The following ST6GALNAC1 variants were observed in gnomAD, a reference collection of about 807,000 sequenced individuals.
The protein encoded by ST6GALNAC1 is alpha-N-acetylgalactosaminide alpha-2,6-sialyltransferase 1.
Under a neutral mutation model 56.8 loss-of-function variants are expected in ST6GALNAC1, and 45 were observed. The observed-to-expected ratio is 0.79, with a 90% confidence interval of 0.62 to 1.02. ST6GALNAC1 has a LOEUF of 1.02. Among genes scored for constraint, ST6GALNAC1 ranks in the 50% least tolerant of loss-of-function variants. The pLI, the probability that ST6GALNAC1 is intolerant of heterozygous loss-of-function variation, is 0.00. For missense variants in ST6GALNAC1, 743 were observed against 754.8 expected, an observed-to-expected ratio of 0.98 and a Z score of 0.18; for synonymous variants, 295 against 297.8, an observed-to-expected ratio of 0.99 and a Z score of 0.10.
downstream of ST6GALNAC1, among the ~76,000 whole-genome samples, chr17:76,624,398 C>T (rs990863527): frequency 5.3e-5 from 8 of 151,992 alleles, no homozygotes; most frequent in Admixed American, 1.3e-4. Flanking sequence ...TACAGGCGCC[C>T]GCCACCACGC....
chr17:76,620,045 T>TATTGTTAGG (rs2075725553), downstream of ST6GALNAC1, among the ~76,000 whole-genome samples: 1 of 150,844 alleles, frequency 6.6e-6, no homozygotes, highest in Non-Finnish European at 1.5e-5. Context: ...TGCCCGGCCT[T>TATTGTTAGG]TTTAAAAATT....
At chr17:76,637,993 C>T (rs2075999927) in intron 1 of ST6GALNAC1, among the ~76,000 whole-genome samples, 1 of 151,764 alleles carries the variant, frequency 6.6e-6, no homozygotes, top group Non-Finnish European at 1.5e-5. Flanking sequence ...CCGTGCCCGG[C>T]TAATTTTCAT....
At chr17:76,618,890 G>A in the ST6GALNAC1 span, among the ~76,000 whole-genome samples, 2,249 of 152,266 alleles carry the variant, frequency 0.015, 63 homozygotes, top group African/African-American at 0.052. Context: ...GTTGCAGTGC[G>A]CTGAGATCAC....
chr17:76,629,289 T>C lies in ST6GALNAC1; in HGVS notation c.554A>G (p.Gln185Arg). 1 of 1,612,422 alleles carries C rather than the reference T, an allele frequency of 6.2e-7. No individual in the cohort carries two copies. Among genetic ancestry groups the C allele is most frequent in the Non-Finnish European group, 8.5e-7 (1 of 1,180,028 alleles). Residue 185 changes from glutamine to arginine, a missense_variant, in exon 2 of 9, where the codon CAG becomes CGG. Gln to Arg is a conservative substitution (Grantham distance 43). Transcript: ENST00000156626. ...TASRTVSEKH[Q>R]GKAATTAKTL... is the part of the protein sequence containing the mutation. ...CTTGGCTGTGGTTGCCGCTTTGCCC[T>C]GGTGCTTCTCTGACACCGTCCTGGA...
intron 1 of ST6GALNAC1, among the ~76,000 whole-genome samples, chr17:76,639,731 C>T (rs2076024016): frequency 6.7e-6 from 1 of 149,992 alleles, no homozygotes; most frequent in East Asian, 2.0e-4. Flanking sequence ...TCTTTTATTC[C>T]ACCAAGCCAG....
At chr17:76,638,199 C>G (rs1193986576) in intron 1 of ST6GALNAC1, among the ~76,000 whole-genome samples, 1 of 150,482 alleles carries the variant, frequency 6.6e-6, no homozygotes, top group Non-Finnish European at 1.5e-5. Context: ...CTCTTAATTA[C>G]CATCTCTAAA....
intron 1 of ST6GALNAC1, among the ~76,000 whole-genome samples, chr17:76,632,615 C>T (rs530450247): frequency 6.6e-6 from 1 of 152,208 alleles, no homozygotes; most frequent in Admixed American, 6.5e-5. Flanking sequence ...TTAAATACAC[C>T]TGTGATTGCT....
Position 76,627,979 on chromosome 17 carries a change from T to C in ST6GALNAC1, c.832-396A>G, listed in dbSNP as rs535383426. On this transcript the variant is annotated intron_variant, in intron 2 of 8. Coordinates refer to ENST00000156626, the MANE Select transcript of ST6GALNAC1 (RefSeq NM_018414.5). This position sits in a 1 kb window ranked among gnomAD's most constrained non-coding sequence, Gnocchi z 4.4. Reference sequence around the variant, plus strand: ...GGGCGTGGTGGCGGGCGCCTGTAGTTCCAGCTACTCGGGAGGCTGAGGCAG... The same window carrying C: ...GGGCGTGGTGGCGGGCGCCTGTAGTCCCAGCTACTCGGGAGGCTGAGGCAG... Among the ~76,000 whole-genome samples, 187 of 151,438 alleles carry C rather than the reference T, an allele frequency of 1.2e-3. No individual in the cohort carries two copies. The highest frequency in any genetic ancestry group is 2.1e-3 in the Non-Finnish European group (141 of 67,880).
At chr17:76,619,701 C>A in the ST6GALNAC1 span, among the ~76,000 whole-genome samples, 1 of 150,370 alleles carries the variant, frequency 6.7e-6, no homozygotes, top group East Asian at 2.0e-4. Flanking sequence ...ATTGTTTTGC[C>A]CATTCTGTGG....
At position 76,627,120 on chromosome 17, in the gene ST6GALNAC1, G is replaced by T. The variant is rs2075812568; in HGVS notation, c.1119C>A (p.Ile373=). 1.3e-6 allele frequency: 2 copies of T among 1,592,648 alleles called. No individual in the cohort carries two copies. ...CCTGGCCCATGTGGGAGTTGTTCAGGATGCCCCCGTTGCCCACCACGGCAC... is the reference window on the plus strand; with the variant it reads ...CCTGGCCCATGTGGGAGTTGTTCAGTATGCCCCCGTTGCCCACCACGGCAC... ...ITCAVVGNGG[I]LNNSHMGQEI... The change falls in exon 4 of 9, where the codon ATC becomes ATA. Residue 373 remains isoleucine, a synonymous_variant. Coordinates refer to ENST00000156626, the MANE Select transcript of ST6GALNAC1 (RefSeq NM_018414.5). The surrounding 1 kb of genome is among the most constrained non-coding windows in gnomAD (Gnocchi z 4.4).
chr17:76,629,646 G>A lies in ST6GALNAC1; in HGVS notation c.197C>T (p.Ala66Val), dbSNP rs2075864273. Reference sequence around the variant, plus strand: ...GGTTGTCCTCCTTGCCCTTGTGGGTGCCTGGGACTTAGGCTTTGCCAGGGA... The same window carrying A: ...GGTTGTCCTCCTTGCCCTTGTGGGTACCTGGGACTTAGGCTTTGCCAGGGA... ...LQSLAKPKSQ[A>V]PTRARRTTIY... Residue 66 changes from alanine (A) to valine (V), a missense_variant, in exon 2 of 9, where the codon GCA becomes GTA. Coordinates refer to ENST00000156626, the MANE Select transcript of ST6GALNAC1 (RefSeq NM_018414.5). 6.2e-7 allele frequency: 1 copy of A among 1,613,780 alleles called. No individual in the cohort carries two copies. The highest frequency in any genetic ancestry group is 1.3e-5 in the African/African-American group (1 of 74,994).
At position 76,643,663 on chromosome 17, in the gene ST6GALNAC1, A is replaced by G; in HGVS notation, c.-25T>C. 1.2e-6 allele frequency: 2 copies of G among 1,612,278 alleles called. No homozygotes were observed. The highest frequency in any genetic ancestry group is 1.7e-6 in the Non-Finnish European group (2 of 1,179,078). On this transcript the variant is annotated 5_prime_UTR_variant, in exon 1 of 9. Coordinates refer to ENST00000156626, the MANE Select transcript of ST6GALNAC1 (RefSeq NM_018414.5). Reference sequence around the variant, plus strand: ...TGGTGGTGGGTCGGGTTCTAGAGGAAGGTTCTGCATGTCCTGGGGCCTTGA... The same window carrying G: ...TGGTGGTGGGTCGGGTTCTAGAGGAGGGTTCTGCATGTCCTGGGGCCTTGA...
chr17:76,624,462 C>A (rs2075770025), downstream of ST6GALNAC1, among the ~76,000 whole-genome samples: 1 of 152,048 alleles, frequency 6.6e-6, no homozygotes, highest in South Asian at 2.1e-4. Context: ...GTTGGCCAGG[C>A]TGGTCTAGAT....
chr17:76,618,780 CA>C, the ST6GALNAC1 span, among the ~76,000 whole-genome samples: 20 of 137,524 alleles, frequency 1.5e-4, no homozygotes, highest in East Asian at 8.5e-4. Context: ...GACTCCATAT[CA>C]AAAAAAAAAA....
Position 76,629,516 on chromosome 17 carries a change from C to T in ST6GALNAC1, c.327G>A (p.Pro109=), listed in dbSNP as rs761760196. 16 of 1,613,830 alleles carry T rather than the reference C, an allele frequency of 9.9e-6. No homozygotes were observed. The highest frequency in any genetic ancestry group is 5.0e-5 in the Admixed American group (3 of 59,984). ...TGTGGGGCACCTTGTCCTGCTCCTC[C>T]GGCGGTGCCTGGTTGGCCTCCTTTC... The part of the protein sequence containing the change: ...DRGKEANQAP[P]EEQDKVPHTA... The change falls in exon 2 of 9, where the codon CCG becomes CCA. Residue 109 remains proline, a synonymous_variant. Transcript: ENST00000156626.
chr17:76,638,384 A>AT (rs968677104), intron 1 of ST6GALNAC1, among the ~76,000 whole-genome samples: 34 of 148,914 alleles, frequency 2.3e-4, no homozygotes, highest in East Asian at 5.9e-4. Flanking sequence ...TGTATTTTTT[A>AT]TTTTTTTTTT....
chr17:76,624,008 T>C (rs2075764937), downstream of ST6GALNAC1, among the ~76,000 whole-genome samples: 1 of 152,218 alleles, frequency 6.6e-6, no homozygotes, highest in South Asian at 2.1e-4. Flanking sequence ...TTTTTATTGC[T>C]GAAGTAAGGA....
chr17:76,642,922 CA>C (rs59053510), intron 1 of ST6GALNAC1, among the ~76,000 whole-genome samples: 28,587 of 87,174 alleles, frequency 0.33, 2,383 homozygotes, highest in East Asian at 0.51. Flanking sequence ...GACTCCGTCT[CA>C]AAAAAAAAAA....
At position 76,627,029 on chromosome 17, in the gene ST6GALNAC1, G is replaced by C; in HGVS notation, c.1172+38C>G. On this transcript the variant is annotated intron_variant, in intron 4 of 8. Transcript: ENST00000156626. The surrounding 1 kb of genome is among the most constrained non-coding windows in gnomAD (Gnocchi z 4.4). ...TGGAGGGGGGCTGGAGGGGGCAGGA[G>C]AGGGGCTGGAGAGGGAGCTTGGGTG... 2.6e-6 allele frequency: 4 copies of C among 1,528,228 alleles called. No individual in the cohort carries two copies. Among genetic ancestry groups the C allele is most frequent in the Non-Finnish European group, 2.6e-6 (3 of 1,137,338 alleles). 94.7% of individuals were successfully genotyped at this position (1,528,228 alleles called of 1,614,324 possible). A position where few individuals can be genotyped will look rare whatever the true frequency, so the allele number is the denominator to read the frequency against.
Sources: allele counts gnomAD v4.1 joint callset (sites outside exome capture counted in the v4.1 genomes callset), GRCh38; gene constraint gnomAD v4.1.1; non-coding constraint Gnocchi (gnomAD v3.1); transcripts MANE v1.5; gene names NCBI Gene and HGNC (gene_info 2026-07-23, HGNC 2026-07-21).